Variants in CCDC83 observed in about 807,000 individuals in gnomAD.
CCDC83 encodes coiled-coil domain-containing protein 83.
CCDC83 carries 54 observed loss-of-function variants against 50.1 expected under a neutral mutation model. The ratio of observed to expected loss-of-function variants is 1.08; its 90% CI spans 0.87 to 1.35. The LOEUF (loss-of-function observed/expected upper bound fraction) is 1.35. Among genes scored for constraint, CCDC83 ranks in the 40% most tolerant of loss-of-function variants. The pLI is 0.00. For missense variants in CCDC83, 518 were observed against 473.9 expected (o/e 1.09, Z -0.86); for synonymous variants, 161 against 153.3 (o/e 1.05, Z -0.37).
chr11:85,917,162 G>GGCA (rs2093482391), intron 10 of CCDC83, among the ~76,000 whole-genome samples: 6 of 65,820 alleles, frequency 9.1e-5, no homozygotes, highest in African/African-American at 2.7e-4. Context: ...GAGAGAGAGA[G>GGCA]AGAGAGAAAG....
intron 2 of CCDC83, among the ~76,000 whole-genome samples, chr11:85,868,245 T>C (rs2093218656): frequency 6.6e-6 from 1 of 152,254 alleles, no homozygotes; most frequent in Admixed American, 6.5e-5. Context: ...TTCTCCTTTA[T>C]ACTTGTCTTG....
At chr11:85,879,232 A>T (rs2093285406) in intron 3 of CCDC83, among the ~76,000 whole-genome samples, 1 of 152,088 alleles carries the variant, frequency 6.6e-6, no homozygotes, top group African/African-American at 2.4e-5. Flanking sequence ...ATTTTCTCCT[A>T]TGTTTTATTC....
chr11:85,910,038 G>A (rs1255917667), intron 7 of CCDC83, among the ~76,000 whole-genome samples: 1 of 152,064 alleles, frequency 6.6e-6, no homozygotes, highest in Non-Finnish European at 1.5e-5. Context: ...ACACTAAAAT[G>A]GTCATGCCTT....
intron 2 of CCDC83, among the ~76,000 whole-genome samples, chr11:85,868,604 G>C (rs1229177812): frequency 2.0e-5 from 3 of 152,220 alleles, no homozygotes; most frequent in Non-Finnish European, 4.4e-5. Context: ...TTGAACTCCT[G>C]ATCTTGGCCT....
chr11:85,875,445 T>C (rs1368372011), intron 3 of CCDC83, among the ~76,000 whole-genome samples: 1 of 152,242 alleles, frequency 6.6e-6, no homozygotes, highest in Non-Finnish European at 1.5e-5. Context: ...CTTTGAAATC[T>C]TGAAAAACCA....
chr11:85,861,945 T>C (rs1366317278), intron 1 of CCDC83, among the ~76,000 whole-genome samples: 1 of 147,932 alleles, frequency 6.8e-6, no homozygotes, highest in Non-Finnish European at 1.5e-5. Flanking sequence ...GAGGCAGAAG[T>C]TGGAATGACC....
intron 1 of CCDC83, among the ~76,000 whole-genome samples, chr11:85,859,256 A>G (rs2093161545): frequency 6.6e-6 from 1 of 152,028 alleles, no homozygotes; most frequent in South Asian, 2.1e-4. Context: ...GAAATAAGTC[A>G]GAGATGAACA....
At chr11:85,858,891 C>T (rs1470696231) in intron 1 of CCDC83, among the ~76,000 whole-genome samples, 1 of 152,068 alleles carries the variant, frequency 6.6e-6, no homozygotes, top group Non-Finnish European at 1.5e-5. Context: ...TCTTCCACCT[C>T]ATAACAATGA....
chr11:85,888,752 A>AT (rs1277349838), intron 5 of CCDC83, among the ~76,000 whole-genome samples: 1 of 151,972 alleles, frequency 6.6e-6, no homozygotes, highest in African/African-American at 2.4e-5. Flanking sequence ...ATCCAACTTT[A>AT]TTTTTTTACC....
At chr11:85,873,517 AT>A (rs1266762967) in intron 3 of CCDC83, among the ~76,000 whole-genome samples, 8 of 152,314 alleles carry the variant, frequency 5.3e-5, no homozygotes, top group African/African-American at 1.9e-4. Context: ...GGGTTGAATT[AT>A]GTTATTTAGA....
chr11:85,898,870 A>G (rs1282261510), intron 6 of CCDC83, 77 bp from the exon 7 acceptor site: 7 of 946,780 alleles, frequency 7.4e-6, no homozygotes, highest in Admixed American at 2.0e-5. Context: ...AATGATCAGA[A>G]TAACTGCACA....
At chr11:85,893,607 A>T (rs1039737157) in intron 5 of CCDC83, among the ~76,000 whole-genome samples, 2 of 152,202 alleles carry the variant, frequency 1.3e-5, no homozygotes. Flanking sequence ...AACAGTGGAG[A>T]AGCAAGTGAA....
At position 85,855,588 on chromosome 11, in the gene CCDC83, T is replaced by C. The variant is rs2093134597; in HGVS notation, c.-29+4T>C. ...GCAGGCTCTGAATTTGATTCAGGTT[T>C]GTAACCTTCACGGTGCCCTCACACA... On this transcript the variant is annotated splice_donor_region_variant and intron_variant, in intron 1 of 10. Coordinates refer to ENST00000342404, the MANE Select transcript of CCDC83 (RefSeq NM_001286159.2). 1 of 152,438 alleles carries C rather than the reference T, an allele frequency of 6.6e-6. No individual in the cohort carries two copies. The highest frequency in any genetic ancestry group is 1.5e-5 in the Non-Finnish European group (1 of 68,188). 9.4% of individuals were successfully genotyped at this position (152,438 alleles called of 1,614,324 possible). A position where few individuals can be genotyped will look rare whatever the true frequency, so the allele number is the denominator to read the frequency against.
In CCDC83 at chr11:85,873,289, T is replaced by C. The variant is rs771297572; in HGVS notation, c.174T>C (p.His58=). 3 of 1,407,662 alleles carry C rather than the reference T, an allele frequency of 2.1e-6. No homozygotes were observed. Among genetic ancestry groups the C allele is most frequent in the African/African-American group, 2.9e-5 (2 of 69,282 alleles). 87.2% of individuals were successfully genotyped at this position (1,407,662 alleles called of 1,614,324 possible). A position where few individuals can be genotyped will look rare whatever the true frequency, so the allele number is the denominator to read the frequency against. ...KTLRKKNQKY[H]ERNSRLKEEQ... ...TTAGGAAAAAGAACCAAAAATATCA[T>C]GAAAGAGTGAGTATAAAATTTAGAA... The change falls in exon 3 of 11, where the codon CAT becomes CAC. Residue 58 remains histidine, a synonymous_variant. Coordinates refer to ENST00000342404, the MANE Select transcript of CCDC83 (RefSeq NM_001286159.2).
intron 2 of CCDC83, among the ~76,000 whole-genome samples, chr11:85,870,248 C>T (rs900519957): frequency 2.0e-5 from 3 of 152,212 alleles, no homozygotes; most frequent in African/African-American, 7.2e-5. Context: ...TCGTTGCATG[C>T]TCAGTCATCA....
intron 1 of CCDC83, among the ~76,000 whole-genome samples, chr11:85,864,584 G>A (rs1365510045): frequency 6.6e-6 from 1 of 152,126 alleles, no homozygotes; most frequent in African/African-American, 2.4e-5. Flanking sequence ...ACTTCAATGT[G>A]TGCTTTTATT....
At position 85,866,797 on chromosome 11, in the gene CCDC83, T is replaced by G. The variant is rs142018409; in HGVS notation, c.95+1579T>G. 4.4e-3 allele frequency among the ~76,000 whole-genome samples: 665 copies of G among 152,256 alleles called. 23 individuals carry two copies. The highest frequency in any genetic ancestry group is 0.031 in the Admixed American group (480 of 15,292). On this transcript the variant is annotated intron_variant, in intron 2 of 10. Coordinates refer to ENST00000342404, the MANE Select transcript of CCDC83 (RefSeq NM_001286159.2). ...AGGAAAAACTTGTTTGAGAAAGCTT[T>G]GAGCTGATTTCTGGAAAAGGAACAG... is the stretch of plus-strand genomic sequence containing the variant.
chr11:85,884,807 C>A (rs1357351627), intron 4 of CCDC83, among the ~76,000 whole-genome samples: 5 of 152,234 alleles, frequency 3.3e-5, no homozygotes, highest in Non-Finnish European at 7.3e-5. Flanking sequence ...GGGCACTGGC[C>A]TGAGACAGTA....
chr11:85,906,572 A>T (rs557285759), intron 7 of CCDC83, among the ~76,000 whole-genome samples: 1 of 152,332 alleles, frequency 6.6e-6, no homozygotes, highest in Non-Finnish European at 1.5e-5. Flanking sequence ...AGGAACAAAA[A>T]GAGCTTTATA....
Sources: gnomAD v4.1 joint callset for allele counts (sites outside exome capture counted in the v4.1 genomes callset) on GRCh38, gnomAD v4.1.1 for gene constraint, MANE v1.5 for transcripts, NCBI Gene and HGNC (gene_info 2026-07-23, HGNC 2026-07-21) for gene names.